CCSER1: variants seen among roughly 807,000 people sequenced by gnomAD.
CCSER1 encodes the protein serine-rich coiled-coil domain-containing protein 1.
A neutral mutation model predicts 82.0 loss-of-function variants in CCSER1; 41 were observed. The ratio of observed to expected loss-of-function variants is 0.50; its 90% confidence interval spans 0.39 to 0.65. CCSER1 has a LOEUF of 0.65. CCSER1 is among the 30% of genes least tolerant of loss of function. CCSER1 has a pLI of 0.00. For synonymous variants in CCSER1, 414 were observed against 383.9 expected, an observed-to-expected ratio of 1.08 and a Z score of -0.92; for missense variants, 1,119 against 1,064.2, an observed-to-expected ratio of 1.05 and a Z score of -0.72.
At position 91,598,669 on chromosome 4, in the gene CCSER1, C is replaced by A. The variant is rs749806339; in HGVS notation, c.2315C>A (p.Ala772Glu). ...GAGGACCGTTTTAGGTATTCGGCAG[C>A]GGACCAGACAAGCCCCTACAAAAAC... ...PTEDRFRYSA[A>E]DQTSPYKNKT... is the part of the protein sequence containing the mutation. Residue 772 changes from alanine to glutamate, a missense_variant, in exon 11 of 11, where the codon GCG becomes GAG. Physicochemically the swap from Ala to Glu is moderately radical, Grantham distance 107. Transcript: ENST00000509176. The A allele has an allele frequency of 5.8e-5, 90 of 1,551,414 alleles. No individual in the cohort carries two copies. In the East Asian group the frequency reaches 2.2e-3, roughly 38 times the overall value.
chr4:91,390,325 T>C (rs1041180518), intron 10 of CCSER1, among the ~76,000 whole-genome samples: 23 of 151,946 alleles, frequency 1.5e-4, no homozygotes, highest in Admixed American at 1.2e-3. Flanking sequence ...TTTTCCTCTT[T>C]AGCCTGCTGA....
intron 9 of CCSER1, among the ~76,000 whole-genome samples, chr4:90,941,243 T>C (rs1383032661): frequency 1.3e-5 from 2 of 152,126 alleles, no homozygotes; most frequent in African/African-American, 2.4e-5. Flanking sequence ...ATTTATGTTT[T>C]AAATCATTCT....
intron 10 of CCSER1, among the ~76,000 whole-genome samples, chr4:91,372,084 C>T (rs551937566): frequency 6.6e-6 from 1 of 152,250 alleles, no homozygotes; most frequent in African/African-American, 2.4e-5. Context: ...TTACCTTTGA[C>T]ACACTTCTAA....
intron 9 of CCSER1, among the ~76,000 whole-genome samples, chr4:90,995,110 A>G (rs1252574704): frequency 6.6e-6 from 1 of 152,152 alleles, no homozygotes; most frequent in Admixed American, 6.6e-5. Flanking sequence ...AGGTAAATGA[A>G]TATTTATTAT....
In CCSER1 at chr4:91,591,152, A is replaced by G. The variant is rs182954115; in HGVS notation, c.2218-7420A>G. On this transcript the variant is annotated intron_variant, in intron 10 of 10. Coordinates refer to ENST00000509176, the MANE Select transcript of CCSER1 (RefSeq NM_001145065.2). ...ACAAGGATGCTACTAACATCCTGCA[A>G]TGTACATGATGGTCCCAAAAACAAG... Among the ~76,000 whole-genome samples, 359 of 152,230 alleles carry G rather than the reference A, an allele frequency of 2.4e-3. 3 individuals carry two copies. Among genetic ancestry groups the G allele is most frequent in the African/African-American group, 8.4e-3 (350 of 41,562 alleles).
At chr4:90,857,153 G>A (rs1764552721) in intron 8 of CCSER1, among the ~76,000 whole-genome samples, 1 of 152,034 alleles carries the variant, frequency 6.6e-6, no homozygotes, top group African/African-American at 2.4e-5. Flanking sequence ...CAATTTCTGT[G>A]AATCAGGTAT....
intron 1 of CCSER1, among the ~76,000 whole-genome samples, chr4:90,279,652 G>A (rs1294550952): frequency 6.6e-6 from 1 of 151,940 alleles, no homozygotes; most frequent in African/African-American, 2.4e-5. Flanking sequence ...CTAGGACATA[G>A]CAGGATATAC....
intron 8 of CCSER1, among the ~76,000 whole-genome samples, chr4:90,923,166 A>C (rs566497569): frequency 4.6e-5 from 7 of 152,330 alleles, no homozygotes; most frequent in African/African-American, 1.7e-4. Flanking sequence ...CAGTAGAAGA[A>C]AAGATGCTTA....
intron 10 of CCSER1, among the ~76,000 whole-genome samples, chr4:91,593,603 C>T (rs915561306): frequency 7.3e-5 from 11 of 151,482 alleles, no homozygotes; most frequent in East Asian, 2.0e-4. Flanking sequence ...TGAGCCACAG[C>T]GCCCAGCCCC....
intron 10 of CCSER1, among the ~76,000 whole-genome samples, chr4:91,541,825 C>A (rs1761615775): frequency 2.0e-5 from 3 of 152,186 alleles, no homozygotes; most frequent in Admixed American, 2.0e-4. Flanking sequence ...AATGGTTGAA[C>A]TAGTTTACAG....
intron 1 of CCSER1, among the ~76,000 whole-genome samples, chr4:90,239,353 C>A (rs767865409): frequency 1.3e-5 from 2 of 152,146 alleles, no homozygotes; most frequent in African/African-American, 2.4e-5. Context: ...ATGCATTGAT[C>A]TTTGACATAG....
chr4:90,508,020 A>G (rs1355981437), intron 5 of CCSER1, among the ~76,000 whole-genome samples: 2 of 152,102 alleles, frequency 1.3e-5, no homozygotes, highest in African/African-American at 2.4e-5. Flanking sequence ...TAGTGTGCTT[A>G]TATAGAAATA....
intron 9 of CCSER1, among the ~76,000 whole-genome samples, chr4:90,939,597 G>A (rs1731357361): frequency 2.0e-5 from 3 of 152,178 alleles, no homozygotes; most frequent in African/African-American, 7.2e-5. Flanking sequence ...ATGCCATAGA[G>A]CCAAGAAGAA....
At chr4:90,686,703 A>G (rs1483988019) in intron 6 of CCSER1, among the ~76,000 whole-genome samples, 1 of 152,120 alleles carries the variant, frequency 6.6e-6, no homozygotes, top group East Asian at 1.9e-4. Flanking sequence ...ATTTTCTGTC[A>G]GTTTCCCAAA....
At chr4:91,411,995 T>G (rs1369613804) in intron 10 of CCSER1, among the ~76,000 whole-genome samples, 3 of 152,102 alleles carry the variant, frequency 2.0e-5, no homozygotes, top group African/African-American at 7.2e-5. Flanking sequence ...GAAGCAGGGT[T>G]AGGAGGTTCT....
intron 10 of CCSER1, among the ~76,000 whole-genome samples, chr4:91,217,038 C>T (rs112427340): frequency 2.0e-5 from 3 of 152,180 alleles, no homozygotes; most frequent in South Asian, 2.1e-4. Context: ...TGGCGCGTCG[C>T]GAGTCTGTCC....
At chr4:91,431,289 A>G (rs1754294779) in intron 10 of CCSER1, among the ~76,000 whole-genome samples, 1 of 152,222 alleles carries the variant, frequency 6.6e-6, no homozygotes, top group South Asian at 2.1e-4. Context: ...TGGCTAGCTA[A>G]TACATTCACA....
At chr4:90,506,740 G>A (rs185429266) in intron 5 of CCSER1, among the ~76,000 whole-genome samples, 2 of 151,126 alleles carry the variant, frequency 1.3e-5, no homozygotes, top group African/African-American at 4.9e-5. Context: ...ACTCCAACCT[G>A]GATGACAGAG....
chr4:90,793,729 T>A (rs1197905875), intron 7 of CCSER1, among the ~76,000 whole-genome samples: 1 of 152,168 alleles, frequency 6.6e-6, no homozygotes, highest in Non-Finnish European at 1.5e-5. Flanking sequence ...TTTTTAGGTC[T>A]TTGAAGAATC....
Sources: allele counts gnomAD v4.1 joint callset (sites outside exome capture counted in the v4.1 genomes callset), GRCh38; gene constraint gnomAD v4.1.1; transcripts MANE v1.5; gene names NCBI Gene and HGNC (gene_info 2026-07-23, HGNC 2026-07-21).